The following RNGTT variants were observed in gnomAD, a reference collection of about 807,000 sequenced individuals.
RNGTT encodes RNA guanylyltransferase and 5'-phosphatase, also known as mRNA-capping enzyme.
In RNGTT, 33 loss-of-function variants were observed where a neutral mutation model predicts 79.3. The observed-to-expected ratio is 0.42, with a 90% CI of 0.32 to 0.56. RNGTT has a LOEUF of 0.56. Ranked by LOEUF, RNGTT falls within the 20% of genes least tolerant of loss-of-function variation. RNGTT has a pLI of 0.17. For missense variants in RNGTT, 497 were observed against 739.1 expected (o/e 0.67, Z 3.80); for synonymous variants, 222 against 235.9 (o/e 0.94, Z 0.54).
chr6:88,822,567 TAA>T, intron 11 of RNGTT, among the ~76,000 whole-genome samples: 1 of 152,300 alleles, frequency 6.6e-6, no homozygotes, highest in South Asian at 2.1e-4. Flanking sequence ...AAAATAGGTA[TAA>T]ATCCCCTGAT....
At chr6:88,792,138 G>A (rs1363157538) in intron 12 of RNGTT, among the ~76,000 whole-genome samples, 1 of 152,114 alleles carries the variant, frequency 6.6e-6, no homozygotes, top group Non-Finnish European at 1.5e-5. Flanking sequence ...TTAAAAACTA[G>A]AAATAGACTT....
intron 13 of RNGTT, among the ~76,000 whole-genome samples, chr6:88,692,391 T>C (rs755217778): frequency 3.3e-5 from 5 of 151,820 alleles, no homozygotes; most frequent in Non-Finnish European, 5.9e-5. Context: ...ATCTCAAATG[T>C]CCATCAACTA....
intron 13 of RNGTT, among the ~76,000 whole-genome samples, chr6:88,686,652 C>T (rs906954458): frequency 6.6e-6 from 1 of 152,088 alleles, no homozygotes; most frequent in Non-Finnish European, 1.5e-5. Flanking sequence ...ACAAAGGTGG[C>T]ACTGCAGAGC....
At chr6:88,690,747 G>C (rs894939791) in intron 13 of RNGTT, among the ~76,000 whole-genome samples, 1 of 152,064 alleles carries the variant, frequency 6.6e-6, no homozygotes, top group Non-Finnish European at 1.5e-5. Flanking sequence ...AAGTTAAAAT[G>C]AGATCATTTA....
chr6:88,674,474 C>A (rs117666774), intron 14 of RNGTT, among the ~76,000 whole-genome samples: 1 of 151,998 alleles, frequency 6.6e-6, no homozygotes, highest in African/African-American at 2.4e-5. Context: ...GAGAGGCCAA[C>A]GCTGCAGTAA....
chr6:88,646,744 C>CA (rs1030965854), intron 14 of RNGTT, among the ~76,000 whole-genome samples: 6 of 151,350 alleles, frequency 4.0e-5, no homozygotes, highest in Admixed American at 6.6e-5. Context: ...ATCACAAGGA[C>CA]AAAAAACCAA....
Position 88,658,469 on chromosome 6 carries a change from G to A in RNGTT, c.1506+19884C>T, listed in dbSNP as rs191162563. ...CACTAGCCAGGGGCCAGGTAGCCCCGCTGGGTGGCTAGACCTAGAAGGGCA... is the reference window on the plus strand; with the variant it reads ...CACTAGCCAGGGGCCAGGTAGCCCCACTGGGTGGCTAGACCTAGAAGGGCA... On this transcript the variant is annotated intron_variant, in intron 14 of 15. Coordinates refer to ENST00000369485, the MANE Select transcript of RNGTT (RefSeq NM_003800.5). 1.9e-3 allele frequency among the ~76,000 whole-genome samples: 289 copies of A among 152,284 alleles called. 4 individuals carry two copies. The highest frequency in any genetic ancestry group is 6.8e-3 in the African/African-American group (282 of 41,556).
intron 14 of RNGTT, among the ~76,000 whole-genome samples, chr6:88,649,969 CT>C (rs1773736269): frequency 6.6e-6 from 1 of 152,088 alleles, no homozygotes; most frequent in Admixed American, 6.6e-5. Flanking sequence ...ATTGTCTTTA[CT>C]TTTTTTCTCC....
intron 8 of RNGTT, among the ~76,000 whole-genome samples, chr6:88,866,420 CA>C (rs1782167218): frequency 6.6e-6 from 1 of 152,000 alleles, no homozygotes; most frequent in African/African-American, 2.4e-5. Context: ...CAGGCACTAC[CA>C]AAGACACAAA....
At chr6:88,687,477 T>G (rs1775320049) in intron 13 of RNGTT, among the ~76,000 whole-genome samples, 1 of 152,204 alleles carries the variant, frequency 6.6e-6, no homozygotes, top group African/African-American at 2.4e-5. Flanking sequence ...TACACAAGGC[T>G]ATTTATTGCA....
At chr6:88,742,004 T>C (rs1057486818) in intron 13 of RNGTT, among the ~76,000 whole-genome samples, 2 of 152,320 alleles carry the variant, frequency 1.3e-5, no homozygotes, top group East Asian at 1.9e-4. Flanking sequence ...AGAAGAAAGC[T>C]GAAACATACA....
chr6:88,641,617 G>A (rs1161704194), intron 14 of RNGTT, among the ~76,000 whole-genome samples: 1 of 152,188 alleles, frequency 6.6e-6, no homozygotes, highest in Non-Finnish European at 1.5e-5. Context: ...AATTTACAAT[G>A]AGTACAAGCT....
intron 11 of RNGTT, among the ~76,000 whole-genome samples, chr6:88,816,719 T>C (rs1028933854): frequency 6.6e-6 from 1 of 152,156 alleles, no homozygotes; most frequent in African/African-American, 2.4e-5. Context: ...CAAAAAAACC[T>C]TTGCGAGCAC....
At chr6:88,796,350 T>C (rs1462846786) in intron 12 of RNGTT, among the ~76,000 whole-genome samples, 1 of 152,186 alleles carries the variant, frequency 6.6e-6, no homozygotes, top group Admixed American at 6.5e-5. Context: ...AGTATAATTT[T>C]ACTAGGTCAA....
intron 8 of RNGTT, among the ~76,000 whole-genome samples, chr6:88,870,375 G>C (rs1400505364): frequency 1.1e-4 from 17 of 151,928 alleles, no homozygotes; most frequent in Admixed American, 9.8e-4. Context: ...AAAAATTACT[G>C]TTCCTCATAT....
chr6:88,802,758 A>C (rs1779832148), intron 11 of RNGTT, among the ~76,000 whole-genome samples: 1 of 152,186 alleles, frequency 6.6e-6, no homozygotes, highest in South Asian at 2.1e-4. Context: ...CCCTTATAAA[A>C]GCATCAGATC....
At position 88,658,982 on chromosome 6, in the gene RNGTT, C is replaced by T. The variant is rs147407990; in HGVS notation, c.1506+19371G>A. On this transcript the variant is annotated intron_variant, in intron 14 of 15. Coordinates refer to ENST00000369485, the MANE Select transcript of RNGTT (RefSeq NM_003800.5). ...GCTTCCTGGTTCCTCAGCTTGCAGA[C>T]GGCCTATTGTGGGACTTCACTGTGA... 5.1e-4 allele frequency among the ~76,000 whole-genome samples: 77 copies of T among 152,334 alleles called. No individual in the cohort carries two copies. In the East Asian group the frequency reaches 0.011, roughly 22 times the overall value.
intron 13 of RNGTT, among the ~76,000 whole-genome samples, chr6:88,766,357 T>C (rs1468772668): frequency 6.6e-6 from 1 of 152,138 alleles, no homozygotes; most frequent in Non-Finnish European, 1.5e-5. Context: ...CAGACTACTT[T>C]TGTAATTCTA....
chr6:88,704,259 C>CAAAAAAACA (rs1491478288), intron 13 of RNGTT, among the ~76,000 whole-genome samples: 8 of 48,736 alleles, frequency 1.6e-4, no homozygotes, highest in African/African-American at 4.6e-4. Context: ...GACTCTGTCT[C>CAAAAAAACA]AAAAAAAAAA....
Sources: allele counts gnomAD v4.1 joint callset (sites outside exome capture counted in the v4.1 genomes callset), GRCh38; gene constraint gnomAD v4.1.1; transcripts MANE v1.5; gene names NCBI Gene and HGNC (gene_info 2026-07-23, HGNC 2026-07-21).